Variants in NRG3 observed in about 807,000 individuals in gnomAD.
NRG3 encodes pro-neuregulin-3, membrane-bound isoform.
A neutral mutation model predicts 66.9 loss-of-function variants in NRG3; 31 were observed. The observed-to-expected ratio is 0.46, with a 90% CI of 0.35 to 0.63. The LOEUF (loss-of-function observed/expected upper bound fraction) is 0.63, where lower values mean the gene tolerates loss of function less well. NRG3 is among the 20% of genes least tolerant of loss of function. The pLI is 0.00. For missense variants in NRG3, 910 were observed against 878.9 expected (o/e 1.04, Z -0.45); for synonymous variants, 393 against 359.4 (o/e 1.09, Z -1.06).
At chr10:82,486,337 A>G (rs543410227) in intron 2 of NRG3, among the ~76,000 whole-genome samples, 1 of 152,350 alleles carries the variant, frequency 6.6e-6, no homozygotes, top group African/African-American at 2.4e-5. Flanking sequence ...AGCATTATTC[A>G]TAGTAGTCAA....
rs778812185 is a variant in NRG3 at position 82,965,743 on chromosome 10, T to TTA, written c.1284+6682_1284+6683dup. ...AGAGTAAGACTCTGTCTCTCTCTCT[T>TTA]TATATATATATATATTAGCACAGAG... On this transcript the variant is annotated intron_variant, in intron 6 of 8. Transcript: ENST00000372141. Among the ~76,000 whole-genome samples, 1,374 of 150,138 alleles carry TTA rather than the reference T, an allele frequency of 9.2e-3. 15 individuals carry two copies. The highest frequency in any genetic ancestry group is 0.027 in the African/African-American group (1,109 of 40,840).
chr10:82,425,275 T>G (rs569045811), intron 2 of NRG3, among the ~76,000 whole-genome samples: 1 of 152,284 alleles, frequency 6.6e-6, no homozygotes, highest in Admixed American at 6.5e-5. Context: ...ATTCATTACA[T>G]TGGGTCTCAT....
At chr10:82,475,071 G>C (rs1841646220) in intron 2 of NRG3, among the ~76,000 whole-genome samples, 1 of 151,224 alleles carries the variant, frequency 6.6e-6, no homozygotes, top group African/African-American at 2.4e-5. Context: ...AAAACAGCAA[G>C]AAAAAGCTAG....
chr10:82,627,003 A>ATT (rs58880846), intron 2 of NRG3, among the ~76,000 whole-genome samples: 18,571 of 148,848 alleles, frequency 0.12, 1,286 homozygotes, highest in Middle Eastern at 0.29. Context: ...CTATTTAGCT[A>ATT]TTTTTTTTTT....
intron 1 of NRG3, among the ~76,000 whole-genome samples, chr10:82,186,466 GAGGTCCACTTCCACTA>G (rs2073814892): frequency 1.3e-5 from 2 of 152,168 alleles, no homozygotes; most frequent in Non-Finnish European, 2.9e-5. Context: ...TGTGACCACT[GAGGTCCACTTCCACTA>G]ATGCCTCAGA....
chr10:82,055,456 G>A (rs1479856237), intron 1 of NRG3, among the ~76,000 whole-genome samples: 4 of 138,824 alleles, frequency 2.9e-5, no homozygotes, highest in African/African-American at 1.1e-4. Flanking sequence ...CAGCCTGGGC[G>A]ACAGAGTGAG....
Position 82,336,997 on chromosome 10 carries a change from C to CT in NRG3, c.824-21733dup, listed in dbSNP as rs796167852. Among the ~76,000 whole-genome samples, 137 of 151,396 alleles carry CT rather than the reference C, an allele frequency of 9.0e-4. No homozygotes were observed. The South Asian group carries it at 0.023, about 25-fold the overall frequency. On this transcript the variant is annotated intron_variant, in intron 1 of 8. Coordinates refer to ENST00000372141, the MANE Select transcript of NRG3 (RefSeq NM_001010848.4). ...TTTTGGGAGGTATGTGAGGGTTTTT[C>CT]TTTTTTTTTCTCAAATGGTTTGCAA...
chr10:82,300,123 G>A (rs2080309216), intron 1 of NRG3, among the ~76,000 whole-genome samples: 1 of 152,010 alleles, frequency 6.6e-6, no homozygotes. Flanking sequence ...TGTTAGTTTG[G>A]GGATTAATAT....
At chr10:82,103,432 A>G (rs1049538801) in intron 1 of NRG3, among the ~76,000 whole-genome samples, 5 of 152,164 alleles carry the variant, frequency 3.3e-5, no homozygotes, top group Non-Finnish European at 7.4e-5. Flanking sequence ...TTAGGTTTGG[A>G]CTGTGAGTGT....
chr10:82,145,767 G>T (rs2070205447), intron 1 of NRG3, among the ~76,000 whole-genome samples: 1 of 152,050 alleles, frequency 6.6e-6, no homozygotes, highest in Non-Finnish European at 1.5e-5. Flanking sequence ...TTAAAATGAA[G>T]ATATCTATGG....
At chr10:82,770,580 GA>G (rs2059679025) in intron 3 of NRG3, among the ~76,000 whole-genome samples, 1 of 152,094 alleles carries the variant, frequency 6.6e-6, no homozygotes, top group Non-Finnish European at 1.5e-5. Context: ...AGAGTCCTGA[GA>G]AAAACAGAAA....
chr10:82,164,049 T>C (rs889105929), intron 1 of NRG3, among the ~76,000 whole-genome samples: 15 of 151,738 alleles, frequency 9.9e-5, no homozygotes, highest in African/African-American at 3.6e-4. Flanking sequence ...GCCTCCTGAG[T>C]AGCTGAGACT....
At chr10:82,026,903 T>C (rs555768796) in intron 1 of NRG3, among the ~76,000 whole-genome samples, 74 of 152,164 alleles carry the variant, frequency 4.9e-4, no homozygotes, top group African/African-American at 1.3e-3. Context: ...AGTCATCTTG[T>C]ATTATTTCTT....
chr10:81,961,251 C>A, intron 1 of NRG3, among the ~76,000 whole-genome samples: 1 of 152,014 alleles, frequency 6.6e-6, no homozygotes, highest in East Asian at 1.9e-4. Flanking sequence ...GGTAAAATTT[C>A]TCTTTGTCCC....
intron 1 of NRG3, among the ~76,000 whole-genome samples, chr10:82,298,384 G>C (rs1410784016): frequency 6.6e-6 from 1 of 152,100 alleles, no homozygotes; most frequent in Non-Finnish European, 1.5e-5. Context: ...TATTAAAACT[G>C]AATGAATGGA....
intron 1 of NRG3, among the ~76,000 whole-genome samples, chr10:81,881,188 T>G (rs562200394): frequency 4.8e-5 from 7 of 146,972 alleles, no homozygotes; most frequent in East Asian, 2.0e-4. Context: ...TTTTTTGTGT[T>G]TTTTTTTTTT....
intron 3 of NRG3, among the ~76,000 whole-genome samples, chr10:82,761,932 CTT>C (rs1195249677): frequency 7.1e-4 from 84 of 117,508 alleles, no homozygotes; most frequent in African/African-American, 2.7e-3. Context: ...CTCTTTCTTT[CTT>C]TCTTTCTTTC....
intron 3 of NRG3, among the ~76,000 whole-genome samples, chr10:82,785,507 A>G (rs911476452): frequency 6.6e-5 from 10 of 152,106 alleles, no homozygotes; most frequent in Non-Finnish European, 1.5e-5. Flanking sequence ...TACTCTGACA[A>G]GGTCTTAGTT....
intron 4 of NRG3, among the ~76,000 whole-genome samples, chr10:82,885,899 T>C (rs1320421254): frequency 6.6e-6 from 1 of 151,106 alleles, no homozygotes; most frequent in Non-Finnish European, 1.5e-5. Flanking sequence ...TTAGACGGAG[T>C]CTCACTCTAT....
Sources: gnomAD v4.1 joint callset for allele counts (sites outside exome capture counted in the v4.1 genomes callset) on GRCh38, gnomAD v4.1.1 for gene constraint, MANE v1.5 for transcripts, NCBI Gene and HGNC (gene_info 2026-07-23, HGNC 2026-07-21) for gene names.